The following ABHD18 variants were observed in gnomAD, a reference collection of about 807,000 sequenced individuals.
The protein encoded by ABHD18 is abhydrolase domain containing 18, also known as cardiolipin-specific deacylase, mitochondrial.
A neutral mutation model predicts 65.9 loss-of-function variants in ABHD18; 55 were observed. The observed-to-expected ratio is 0.84, with a 90% CI of 0.67 to 1.05. ABHD18 has a LOEUF of 1.05. ABHD18 is among the 50% of genes least tolerant of loss of function. The pLI is 0.00. For synonymous variants in ABHD18, 181 were observed against 180.2 expected, an observed-to-expected ratio of 1.00 and a Z score of -0.04; for missense variants, 533 against 558.5, an observed-to-expected ratio of 0.95 and a Z score of 0.46.
At chr4:128,025,934 G>T (rs2149180759) in intron 10 of ABHD18, among the ~76,000 whole-genome samples, 1 of 152,314 alleles carries the variant, frequency 6.6e-6, no homozygotes, top group East Asian at 1.9e-4. Flanking sequence ...GAGGTGGGCA[G>T]ATCATGAGGT....
intron 4 of ABHD18, among the ~76,000 whole-genome samples, chr4:127,993,073 CA>C (rs916701424): frequency 7.3e-5 from 11 of 149,840 alleles, no homozygotes; most frequent in East Asian, 2.0e-4. Flanking sequence ...GACCCTGTGT[CA>C]AAAAAAAAAT....
chr4:128,020,225 TG>T lies in ABHD18; in HGVS notation c.699+63del, dbSNP rs948224679. The T allele has an allele frequency of 3.4e-5, 49 of 1,433,412 alleles. No homozygotes were observed. The Middle Eastern group carries it at 1.0e-3, about 31-fold the overall frequency. 88.8% of individuals were successfully genotyped at this position (1,433,412 alleles called of 1,614,324 possible). A position where few individuals can be genotyped will look rare whatever the true frequency, so the allele number is the denominator to read the frequency against. ...TATATATAATTAGAGGTAATTGTTT[TG>T]GGGGGGTCCCCAAAACCACCCTCAG... is the stretch of plus-strand genomic sequence containing the variant. On this transcript the variant is annotated intron_variant, in intron 9 of 12. Coordinates refer to ENST00000645843, the MANE Select transcript of ABHD18 (RefSeq NM_001358451.3).
chr4:127,981,255 A>G (rs1423913284), intron 1 of ABHD18, among the ~76,000 whole-genome samples: 2 of 152,142 alleles, frequency 1.3e-5, no homozygotes, highest in Non-Finnish European at 2.9e-5. Flanking sequence ...TGATGGGTTT[A>G]TTGGGATGCA....
In ABHD18 at chr4:128,036,166, A is replaced by G. The variant is rs574496704; in HGVS notation, c.*353A>G. The G allele has an allele frequency of 6.3e-6, 1 of 159,420 alleles. No homozygotes were observed. The highest frequency in any genetic ancestry group is 1.4e-5 in the Non-Finnish European group (1 of 72,988). The allele number at this position is 159,420 out of a possible 1,614,324, so 9.9% of individuals were successfully genotyped here. On this transcript the variant is annotated 3_prime_UTR_variant, in exon 13 of 13. Transcript: ENST00000645843. ...AGAAACTTTTCTGGGTTTTAGTAAA[A>G]TTGCTAAATCAAACCAAGATTTTAA...
intron 4 of ABHD18, among the ~76,000 whole-genome samples, chr4:128,002,181 A>G (rs1009606760): frequency 6.6e-6 from 1 of 151,992 alleles, no homozygotes; most frequent in Non-Finnish European, 1.5e-5. Context: ...AGGCTGAGGC[A>G]GGAGAATCAC....
intron 3 of ABHD18, among the ~76,000 whole-genome samples, chr4:127,986,977 T>G (rs1170813514): frequency 6.6e-6 from 1 of 152,232 alleles, no homozygotes; most frequent in East Asian, 1.9e-4. Context: ...TGTTTATTCT[T>G]ACCAAGTTGC....
chr4:128,004,697 G>A (rs1753289519), intron 4 of ABHD18, among the ~76,000 whole-genome samples: 1 of 151,574 alleles, frequency 6.6e-6, no homozygotes, highest in Non-Finnish European at 1.5e-5. Context: ...GATCACCTGA[G>A]GTCAGGAGTT....
rs111597617 is a variant in ABHD18, at chr4:128,001,649, A to G, written c.279-7271A>G. 5.6e-5 allele frequency: 83 copies of G among 1,492,174 alleles called. 3 individuals are homozygous for G. In the African/African-American group the frequency reaches 6.8e-4, roughly 12 times the overall value. 92.4% of individuals were successfully genotyped at this position (1,492,174 alleles called of 1,614,324 possible). On this transcript the variant is annotated intron_variant, in intron 4 of 12. Transcript: ENST00000645843. ...AGTTAACCCCTTGCCTACTTATGCA[A>G]TTCTTGGTTCAAAATAACTTCCTTC...
chr4:128,009,224 C>T, intron 6 of ABHD18, 33 bp downstream of exon 6: 2 of 1,303,334 alleles, frequency 1.5e-6, no homozygotes, highest in Non-Finnish European at 2.0e-6. Flanking sequence ...AAATCTTTTG[C>T]CTTGTTTATT....
At chr4:127,979,006 A>G (rs1332860417) in intron 1 of ABHD18, among the ~76,000 whole-genome samples, 2 of 152,246 alleles carry the variant, frequency 1.3e-5, no homozygotes, top group Admixed American at 6.5e-5. Flanking sequence ...CATCAACTTT[A>G]TGGTAAGTAT....
At chr4:128,025,242 C>T (rs1170240530) in intron 10 of ABHD18, among the ~76,000 whole-genome samples, 1 of 151,940 alleles carries the variant, frequency 6.6e-6, no homozygotes, top group Admixed American at 6.6e-5. Context: ...CTGGCTCTGT[C>T]ACCTTCTACC....
At chr4:128,034,178 C>T (rs569206605) in intron 12 of ABHD18, among the ~76,000 whole-genome samples, 65 of 151,870 alleles carry the variant, frequency 4.3e-4, no homozygotes, top group South Asian at 1.9e-3. Flanking sequence ...AGGCTGGTCT[C>T]GAACTCCTGA....
chr4:128,008,432 C>T (rs892198249), intron 4 of ABHD18, among the ~76,000 whole-genome samples: 2 of 151,226 alleles, frequency 1.3e-5, no homozygotes, highest in South Asian at 2.1e-4. Context: ...CCACCATGCC[C>T]GGCTAATTTT....
In ABHD18 at chr4:128,011,689, C is replaced by G. The variant is rs1389009263; in HGVS notation, c.459C>G (p.Pro153=). Residue 153 remains proline (P), a synonymous_variant, in exon 7 of 13, where the codon CCC becomes CCG. Coordinates refer to ENST00000645843, the MANE Select transcript of ABHD18 (RefSeq NM_001358451.3). The part of the protein sequence containing the change: ...LENPYYGCRK[P]KDQVRSSLKN... ...CATTCTTAAATGGCTGCAGGAAACCCAAGGACCAAGTGTAAGTATATATCA... is the reference window on the plus strand; with the variant it reads ...CATTCTTAAATGGCTGCAGGAAACCGAAGGACCAAGTGTAAGTATATATCA... 3 of 1,549,504 alleles carry G rather than the reference C, an allele frequency of 1.9e-6. No individual in the cohort carries two copies. The highest frequency in any genetic ancestry group is 2.7e-5 in the African/African-American group (2 of 72,986).
chr4:127,993,105 G>T (rs1379047843), intron 4 of ABHD18, among the ~76,000 whole-genome samples: 1 of 152,068 alleles, frequency 6.6e-6, no homozygotes, highest in Non-Finnish European at 1.5e-5. Flanking sequence ...AAGCATAAGT[G>T]AATGTGTAGC....
chr4:127,980,944 CAG>C (rs1242439096), intron 1 of ABHD18, among the ~76,000 whole-genome samples: 5 of 149,578 alleles, frequency 3.3e-5, no homozygotes, highest in African/African-American at 9.9e-5. Flanking sequence ...AATTTAAAAA[CAG>C]TATTTAATTT....
chr4:128,022,050 C>T (rs987090447), intron 10 of ABHD18, among the ~76,000 whole-genome samples: 3 of 152,104 alleles, frequency 2.0e-5, no homozygotes, highest in South Asian at 2.1e-4. Context: ...GGACACAGGG[C>T]GGGGAACATC....
chr4:128,015,793 C>T (rs1433385819), intron 7 of ABHD18, among the ~76,000 whole-genome samples: 2 of 152,024 alleles, frequency 1.3e-5, no homozygotes, highest in Non-Finnish European at 2.9e-5. Context: ...TTTTTGTATA[C>T]TTTGGCAAGG....
chr4:128,034,522 A>G (rs527464766), intron 12 of ABHD18, among the ~76,000 whole-genome samples: 1 of 152,208 alleles, frequency 6.6e-6, no homozygotes, highest in South Asian at 2.1e-4. Flanking sequence ...GCAGCGTGCT[A>G]TGATTGCACC....
Sources: gnomAD v4.1 joint callset for allele counts (sites outside exome capture counted in the v4.1 genomes callset) on GRCh38, gnomAD v4.1.1 for gene constraint, MANE v1.5 for transcripts, NCBI Gene and HGNC (gene_info 2026-07-23, HGNC 2026-07-21) for gene names.